Variants in RPGRIP1 observed in about 807,000 individuals in gnomAD.
RPGRIP1 encodes the protein X-linked retinitis pigmentosa GTPase regulator-interacting protein 1.
A neutral mutation model predicts 157.9 loss-of-function variants in RPGRIP1; 128 were observed. The ratio of observed to expected loss-of-function variants is 0.81; its 90% confidence interval spans 0.70 to 0.94. The LOEUF (loss-of-function observed/expected upper bound fraction) is 0.94. Among genes scored for constraint, RPGRIP1 ranks in the 40% least tolerant of loss-of-function variants. The pLI, the probability that RPGRIP1 is intolerant of heterozygous loss-of-function variation, is 0.00. For missense variants in RPGRIP1, 1,486 were observed against 1,545.8 expected (o/e 0.96, Z 0.65); for synonymous variants, 554 against 571.6 (o/e 0.97, Z 0.44).
intron 23 of RPGRIP1, among the ~76,000 whole-genome samples, chr14:21,346,688 T>C (rs989147848): frequency 1.3e-5 from 2 of 152,214 alleles, no homozygotes; most frequent in Non-Finnish European, 2.9e-5. Flanking sequence ...TGGTGTTTTA[T>C]CTTATTTTTA....
At chr14:21,311,009 T>C (rs948531499) in intron 8 of RPGRIP1, 5 of 483,758 alleles carry the variant, frequency 1.0e-5, no homozygotes, top group Admixed American at 2.2e-5. Context: ...GTGGGCTGCA[T>C]GTGAAGCTAG....
chr14:21,346,512 A>G (rs1016616998), intron 23 of RPGRIP1, among the ~76,000 whole-genome samples: 1 of 152,318 alleles, frequency 6.6e-6, no homozygotes, highest in African/African-American at 2.4e-5. Flanking sequence ...AGATTGTGCC[A>G]CTGCACTCCA....
At chr14:21,311,242 T>A (rs1338414592) in intron 8 of RPGRIP1, among the ~76,000 whole-genome samples, 1 of 152,180 alleles carries the variant, frequency 6.6e-6, no homozygotes, top group African/African-American at 2.4e-5. Context: ...AGGGATTAAT[T>A]TGAACCTTGA....
chr14:21,351,269 GTC>G lies in RPGRIP1; in HGVS notation c.*57_*58del, dbSNP rs1261097463. 3.5e-6 allele frequency: 4 copies of G among 1,138,540 alleles called. No homozygotes were observed. The African/African-American group carries it at 6.1e-5, about 17-fold the overall frequency. The allele number at this position is 1,138,540 out of a possible 1,614,324, so 70.5% of individuals were successfully genotyped here. On this transcript the variant is annotated 3_prime_UTR_variant, in exon 25 of 25. Transcript: ENST00000400017. ...GTCTCTGAGGGAACCATAGTAAAAA[GTC>G]TCTTATAAAGTTAGCTTGCTATAAC...
Position 21,327,798 on chromosome 14 carries a change from T to C in RPGRIP1, c.2886T>C (p.Phe962=). The C allele has an allele frequency of 1.3e-6, 2 of 1,593,832 alleles. No homozygotes were observed. The highest frequency in any genetic ancestry group is 1.7e-6 in the Non-Finnish European group (2 of 1,170,064). ...CATCTGAAGAGGAAAAGGCTTCATT[T>C]CCTTCCCAGGTAACTCTCCAGGACT... The part of the protein sequence containing the change: ...KISSEEEKAS[F]PSQDQMASPE... The change falls in exon 18 of 25, where the codon TTT becomes TTC. Residue 962 remains phenylalanine (F), a synonymous_variant. Transcript: ENST00000400017.
At position 21,311,850 on chromosome 14, in the gene RPGRIP1, T is replaced by G. The variant is rs778477037; in HGVS notation, c.957T>G (p.His319Gln). 23 of 1,609,906 alleles carry G rather than the reference T, an allele frequency of 1.4e-5. No homozygotes were observed. Among genetic ancestry groups the G allele is most frequent in the Non-Finnish European group, 2.0e-5 (23 of 1,178,468 alleles). The change falls in exon 9 of 25, where the codon CAT becomes CAG. Residue 319 changes from histidine (H) to glutamine (Q), a missense_variant. Transcript: ENST00000400017. Reference protein sequence around the residue: ...QKNQGILSAAHEALLKQVNEL... With the variant: ...QKNQGILSAAQEALLKQVNEL... ...ATCAGGGAATCCTGAGTGCAGCCCATGAGGCCCTCCTCAAGCAAGTGAATG... is the reference window on the plus strand; with the variant it reads ...ATCAGGGAATCCTGAGTGCAGCCCAGGAGGCCCTCCTCAAGCAAGTGAATG...
chr14:21,335,261 T>TATCTG (rs1380301216), intron 21 of RPGRIP1, among the ~76,000 whole-genome samples: 2 of 152,158 alleles, frequency 1.3e-5, no homozygotes, highest in East Asian at 3.8e-4. Context: ...ACTTCTGTCC[T>TATCTG]ATCTGGATCC....
rs10151827 is a variant in RPGRIP1, at chr14:21,350,391, A to C, written c.3749-713A>C. On this transcript the variant is annotated intron_variant, in intron 24 of 24. Transcript: ENST00000400017. Reference sequence around the variant, plus strand: ...ACTCTGTCTCCAAAAAAAAAAAAAAAAAAAAGAAAACAGGAATTAAGAGTA... The same window carrying C: ...ACTCTGTCTCCAAAAAAAAAAAAAACAAAAAGAAAACAGGAATTAAGAGTA... Among the ~76,000 whole-genome samples the C allele has an allele frequency of 1.6e-4, 23 of 142,804 alleles. 1 individual carries two copies. Among genetic ancestry groups the C allele is most frequent in the African/African-American group, 2.4e-4 (9 of 37,988 alleles). The allele number at this position is 142,804 out of a possible 152,430, so 93.7% of individuals were successfully genotyped here.
At chr14:21,320,437 C>A (rs577872454) in intron 12 of RPGRIP1, among the ~76,000 whole-genome samples, 1 of 151,454 alleles carries the variant, frequency 6.6e-6, no homozygotes, top group Non-Finnish European at 1.5e-5. Context: ...ACTACAGGCA[C>A]CCGCCACCTC....
chr14:21,325,368 G>A lies in RPGRIP1; in HGVS notation c.2352G>A (p.Lys784=), dbSNP rs1009200994. The A allele has an allele frequency of 1.9e-6, 3 of 1,580,302 alleles. No individual in the cohort carries two copies. The African/African-American group carries it at 4.0e-5, about 21-fold the overall frequency. The change falls in exon 16 of 25, where the codon AAG becomes AAA. Residue 784 remains lysine (K), a synonymous_variant. Transcript: ENST00000400017. ...YLSTDVLGGR[K]AQEEEFRSES... is the part of the protein sequence containing the mutation. Reference sequence around the variant, plus strand: ...CAACCGATGTGCTTGGAGGCCGGAAGGCCCAGGAAGAGGAGGTGAGAAAAA... The same window carrying A: ...CAACCGATGTGCTTGGAGGCCGGAAAGCCCAGGAAGAGGAGGTGAGAAAAA...
intron 3 of RPGRIP1, among the ~76,000 whole-genome samples, chr14:21,300,419 TGA>T (rs1880974092): frequency 6.6e-6 from 1 of 151,632 alleles, no homozygotes; most frequent in South Asian, 2.1e-4. Context: ...CATAGCACAG[TGA>T]GAGCATAGAA....
intron 23 of RPGRIP1, among the ~76,000 whole-genome samples, chr14:21,347,904 T>A (rs1885727015): frequency 6.6e-6 from 1 of 152,144 alleles, no homozygotes; most frequent in African/African-American, 2.4e-5. Flanking sequence ...TTTTTATTTT[T>A]TTTGTAGAGA....
At chr14:21,314,562 G>T (rs762069) in intron 10 of RPGRIP1, among the ~76,000 whole-genome samples, 81,653 of 150,924 alleles carry the variant, frequency 0.54, 22,105 homozygotes, top group South Asian at 0.62. Flanking sequence ...GACCAGCCTG[G>T]GCAACATGAT....
intron 2 of RPGRIP1, among the ~76,000 whole-genome samples, chr14:21,288,267 G>T (rs1033154303): frequency 6.8e-6 from 1 of 146,428 alleles, no homozygotes; most frequent in African/African-American, 2.5e-5. Flanking sequence ...TGCAGCCTCC[G>T]ACTCCTGGGT....
At chr14:21,306,870 G>A (rs1881335796) in intron 6 of RPGRIP1, among the ~76,000 whole-genome samples, 1 of 150,752 alleles carries the variant, frequency 6.6e-6, no homozygotes. Flanking sequence ...CCCCCTCCCA[G>A]GTTCAAGCAA....
intron 3 of RPGRIP1, among the ~76,000 whole-genome samples, chr14:21,296,117 T>C (rs981911329): frequency 6.7e-6 from 1 of 149,802 alleles, no homozygotes; most frequent in Admixed American, 6.7e-5. Flanking sequence ...TTTTTTTTTT[T>C]TGGAGACGGA....
intron 23 of RPGRIP1, among the ~76,000 whole-genome samples, chr14:21,346,707 G>T (rs575513195): frequency 3.3e-5 from 5 of 152,190 alleles, no homozygotes; most frequent in Admixed American, 3.3e-4. Flanking sequence ...TAATTTTTTT[G>T]TTTGTTTGTT....
chr14:21,289,496 T>C (rs1594370935), intron 2 of RPGRIP1, among the ~76,000 whole-genome samples: 1 of 152,128 alleles, frequency 6.6e-6, no homozygotes, highest in East Asian at 1.9e-4. Context: ...AAAAAAGGTA[T>C]TTTTGTAATT....
Position 21,303,438 on chromosome 14 carries a change from T to G in RPGRIP1, c.695T>G (p.Met232Arg). The G allele has an allele frequency of 6.2e-7, 1 of 1,613,888 alleles. No individual in the cohort carries two copies. Among genetic ancestry groups the G allele is most frequent in the Non-Finnish European group, 8.5e-7 (1 of 1,179,866 alleles). ...NSAHIMASNT[M>R]QVEEPPKSPE... is the part of the protein sequence containing the mutation. ...GCCCACATCATGGCCAGCAATACCATGCAAGTGGAAGAGCCACCCAAGTCT... is the reference window on the plus strand; with the variant it reads ...GCCCACATCATGGCCAGCAATACCAGGCAAGTGGAAGAGCCACCCAAGTCT... The change falls in exon 6 of 25, where the codon ATG (methionine) becomes AGG (arginine). Residue 232 changes from methionine (M) to arginine (R), a missense_variant. By Grantham distance (91) the Met-to-Arg change is moderately conservative. Transcript: ENST00000400017.
Sources: gnomAD v4.1 joint callset for allele counts (sites outside exome capture counted in the v4.1 genomes callset) on GRCh38, gnomAD v4.1.1 for gene constraint, MANE v1.5 for transcripts, NCBI Gene and HGNC (gene_info 2026-07-23, HGNC 2026-07-21) for gene names.